Variants in SIPA1L3 observed in about 807,000 individuals in gnomAD.
SIPA1L3 encodes signal-induced proliferation-associated 1-like protein 3.
In SIPA1L3, 59 loss-of-function variants were observed where a neutral mutation model predicts 150.1. The ratio of observed to expected loss-of-function variants is 0.39; its 90% CI spans 0.32 to 0.49. The LOEUF is 0.49. Among genes scored for constraint, SIPA1L3 ranks in the 20% least tolerant of loss-of-function variants. The pLI is 0.86. For missense variants in SIPA1L3, 2,211 were observed against 2,489.5 expected (o/e 0.89, Z 2.38); for synonymous variants, 1,070 against 1,077.6 (o/e 0.99, Z 0.14).
At chr19:38,087,553 AC>A (rs1358985124) in intron 3 of SIPA1L3, among the ~76,000 whole-genome samples, 2 of 152,192 alleles carry the variant, frequency 1.3e-5, no homozygotes, top group Non-Finnish European at 2.9e-5. Flanking sequence ...GCTGGCGGAT[AC>A]CCACACAAGC....
At chr19:38,024,021 G>C (rs973900359) in intron 1 of SIPA1L3, among the ~76,000 whole-genome samples, 1 of 152,138 alleles carries the variant, frequency 6.6e-6, no homozygotes, top group Admixed American at 6.5e-5. Flanking sequence ...GGGAGGGGGA[G>C]GGGGGTGGAC....
At chr19:38,191,495 G>A (rs1005970439) in intron 16 of SIPA1L3, among the ~76,000 whole-genome samples, 2 of 151,412 alleles carry the variant, frequency 1.3e-5, no homozygotes, top group Non-Finnish European at 2.9e-5. Flanking sequence ...TATGGTTCAC[G>A]TTCTGCTGGG....
chr19:38,113,948 C>T (rs12985707), intron 8 of SIPA1L3, among the ~76,000 whole-genome samples: 60,475 of 151,964 alleles, frequency 0.4, 12,473 homozygotes, highest in East Asian at 0.62. Flanking sequence ...CCCGCATCAT[C>T]CCTGCAGCCT....
rs1972574665 is a variant in SIPA1L3 at position 38,182,406 on chromosome 19, C to T, written c.4209-113C>T. The T allele has an allele frequency of 1.2e-5, 9 of 779,122 alleles. No individual in the cohort carries two copies. The South Asian group carries it at 1.5e-4, about 13-fold the overall frequency. 48.3% of individuals were successfully genotyped at this position (779,122 alleles called of 1,614,324 possible). A position where few individuals can be genotyped will look rare whatever the true frequency, so the allele number is the denominator to read the frequency against. ...TTCCACAGCGGTAATATATTTGTGT[C>T]TGTCTTGTGCAAATGAACTTTTTTG... On this transcript the variant is annotated intron_variant, in intron 15 of 21. Transcript: ENST00000222345.
chr19:38,031,552 G>A (rs6508757), intron 2 of SIPA1L3, among the ~76,000 whole-genome samples: 144,332 of 152,306 alleles, frequency 0.95, 68,483 homozygotes, highest in African/African-American at 0.99. Flanking sequence ...ATTTGGAACA[G>A]TGCCACACAG....
chr19:38,101,249 C>G (rs1361723495), intron 6 of SIPA1L3, 23 bp downstream of exon 6: 9 of 1,476,584 alleles, frequency 6.1e-6, no homozygotes, highest in Non-Finnish European at 8.2e-6. Context: ...CCGGTTAGAT[C>G]ACAGTGAGCC....
At chr19:38,038,004 G>T (rs1453334016) in intron 2 of SIPA1L3, among the ~76,000 whole-genome samples, 3 of 152,174 alleles carry the variant, frequency 2.0e-5, no homozygotes, top group East Asian at 3.9e-4. Context: ...GTCAGGGCAG[G>T]TAGCGGGAGA....
At chr19:38,050,243 G>A (rs1238961129) in intron 2 of SIPA1L3, among the ~76,000 whole-genome samples, 7 of 152,112 alleles carry the variant, frequency 4.6e-5, no homozygotes, top group South Asian at 2.1e-4. Context: ...ATCACTTGAC[G>A]TCGTGAGTTC....
intron 1 of SIPA1L3, among the ~76,000 whole-genome samples, chr19:37,979,097 G>A (rs1172092547): frequency 6.6e-6 from 1 of 152,086 alleles, no homozygotes; most frequent in East Asian, 1.9e-4. Flanking sequence ...CTATAAACAT[G>A]GCAGCTGGGC....
At chr19:38,169,056 T>G (rs531023323) in intron 15 of SIPA1L3, among the ~76,000 whole-genome samples, 1 of 152,190 alleles carries the variant, frequency 6.6e-6, no homozygotes, top group African/African-American at 2.4e-5. Context: ...GATACCACCT[T>G]GGACAAGTTA....
In SIPA1L3 at chr19:38,119,344, G is replaced by GC. The variant is rs748827733; in HGVS notation, c.2337dup (p.Ile780HisfsTer23). On this transcript the variant is annotated frameshift_variant, in exon 9 of 22. Transcript: ENST00000222345. LOFTEE classifies it high-confidence loss of function. ...CGATCCAAAGACGCTCCTCCTTTCG[G>GC]CCCCCCCATCCCCAGTGGAACCACA... is the stretch of plus-strand genomic sequence containing the variant. The GC allele has an allele frequency of 1.9e-6, 3 of 1,613,760 alleles. No individual in the cohort carries two copies.
At chr19:38,186,850 C>T (rs1166112037) in intron 16 of SIPA1L3, among the ~76,000 whole-genome samples, 4 of 150,288 alleles carry the variant, frequency 2.7e-5, no homozygotes, top group African/African-American at 9.8e-5. Context: ...ATTAGCCAGG[C>T]GTGGTGTCGC....
chr19:37,929,963 A>T (rs918282793), intron 1 of SIPA1L3, among the ~76,000 whole-genome samples: 2 of 151,598 alleles, frequency 1.3e-5, no homozygotes, highest in East Asian at 1.9e-4. Context: ...GGCTCAAGCA[A>T]TCCTCCCGCC....
At chr19:38,157,344 C>T (rs1971971932) in intron 13 of SIPA1L3, among the ~76,000 whole-genome samples, 1 of 152,150 alleles carries the variant, frequency 6.6e-6, no homozygotes, top group African/African-American at 2.4e-5. Flanking sequence ...AGGAACACAA[C>T]AGGGTGGGCA....
chr19:37,909,370 G>A (rs2046360466), intron 1 of SIPA1L3, among the ~76,000 whole-genome samples: 2 of 151,692 alleles, frequency 1.3e-5, no homozygotes, highest in African/African-American at 4.8e-5. Flanking sequence ...ACCACACGTG[G>A]TTAGTTTTTT....
At chr19:38,128,212 G>A (rs898994989) in intron 9 of SIPA1L3, among the ~76,000 whole-genome samples, 2 of 151,814 alleles carry the variant, frequency 1.3e-5, no homozygotes, top group Non-Finnish European at 2.9e-5. Context: ...ATACCACCAC[G>A]TCAGGCCTCT....
At chr19:37,931,759 A>G (rs1447534208) in intron 1 of SIPA1L3, among the ~76,000 whole-genome samples, 1 of 152,104 alleles carries the variant, frequency 6.6e-6, no homozygotes, top group East Asian at 1.9e-4. Flanking sequence ...GTCTCAAAAT[A>G]AAATAAAATA....
At chr19:38,194,589 C>T (rs1180104566) in intron 18 of SIPA1L3, among the ~76,000 whole-genome samples, 1 of 152,210 alleles carries the variant, frequency 6.6e-6, no homozygotes, top group Non-Finnish European at 1.5e-5. Context: ...CACTTACTCT[C>T]TCAAATCCAA....
Position 37,973,932 on chromosome 19 carries a change from T to C in SIPA1L3, c.-378-55157T>C, listed in dbSNP as rs539999448. Among the ~76,000 whole-genome samples, 5 of 152,204 alleles carry C rather than the reference T, an allele frequency of 3.3e-5. No individual in the cohort carries two copies. In the East Asian group the frequency reaches 5.8e-4, roughly 18 times the overall value. ...TCGATCACCCAAGGCAGAAGAGGGATTGATGTGTTGGCCTGGAGTCCCAGG... is the reference window on the plus strand; with the variant it reads ...TCGATCACCCAAGGCAGAAGAGGGACTGATGTGTTGGCCTGGAGTCCCAGG... On this transcript the variant is annotated intron_variant, in intron 1 of 21. Coordinates refer to ENST00000222345, the MANE Select transcript of SIPA1L3 (RefSeq NM_015073.3).
Sources: allele counts gnomAD v4.1 joint callset (sites outside exome capture counted in the v4.1 genomes callset), GRCh38; gene constraint gnomAD v4.1.1; transcripts MANE v1.5; gene names NCBI Gene and HGNC (gene_info 2026-07-23, HGNC 2026-07-21).